Variants in RPTOR observed in about 807,000 individuals in gnomAD.
The protein encoded by RPTOR is regulatory-associated protein of mTOR.
A neutral mutation model predicts 169.9 loss-of-function variants in RPTOR; 21 were observed. The ratio of observed to expected loss-of-function variants is 0.12; its 90% CI spans 0.09 to 0.18. The LOEUF (loss-of-function observed/expected upper bound fraction) is 0.18. Among genes scored for constraint, RPTOR ranks in the 10% least tolerant of loss-of-function variants. The probability of loss-of-function intolerance (pLI) is 1.00; values close to 1 mark genes in which losing one functional copy is unlikely to be tolerated. For missense variants in RPTOR, 1,133 were observed against 1,855.9 expected (o/e 0.61, Z 7.16); for synonymous variants, 732 against 753.2 (o/e 0.97, Z 0.46).
intron 9 of RPTOR, among the ~76,000 whole-genome samples, chr17:80,829,675 G>A (rs575550967): frequency 2.8e-4 from 43 of 152,284 alleles, no homozygotes; most frequent in Admixed American, 1.2e-3. Context: ...TGGAGAGGGC[G>A]GCGTCCACGG....
chr17:80,596,335 C>A (rs1252065108), intron 1 of RPTOR, among the ~76,000 whole-genome samples: 2 of 152,102 alleles, frequency 1.3e-5, no homozygotes, highest in Non-Finnish European at 2.9e-5. Context: ...TTTGGTTAAA[C>A]CTGTTGTAAC....
intron 13 of RPTOR, among the ~76,000 whole-genome samples, chr17:80,868,062 A>G (rs528257034): frequency 2.0e-5 from 3 of 152,352 alleles, no homozygotes; most frequent in Admixed American, 2.0e-4. Context: ...ATGGACAAAC[A>G]GATAATGGAA....
chr17:80,591,330 CCTT>C lies in RPTOR; in HGVS notation c.163-34357_163-34355del, dbSNP rs202079390. Among the ~76,000 whole-genome samples, 1,273 of 143,138 alleles carry C rather than the reference CCTT, an allele frequency of 8.9e-3. 31 individuals carry two copies. Among genetic ancestry groups the C allele is most frequent in the African/African-American group, 0.03 (1,146 of 38,148 alleles). The allele number at this position is 143,138 out of a possible 152,430, so 93.9% of individuals were successfully genotyped here. ...CTCTCCTTCTTTCTTTTCTTTCTCT[CCTT>C]CTTTTTTTTGGAGACAGAGTTTTGT... On this transcript the variant is annotated intron_variant, in intron 1 of 33. Transcript: ENST00000306801.
intron 28 of RPTOR, among the ~76,000 whole-genome samples, chr17:80,950,454 G>A (rs559160860): frequency 2.7e-4 from 41 of 152,196 alleles, no homozygotes; most frequent in Admixed American, 7.2e-4. Flanking sequence ...CACGTGCCTC[G>A]GGACGTCATG....
chr17:80,800,979 C>G (rs1311066470), intron 7 of RPTOR, among the ~76,000 whole-genome samples: 1 of 152,218 alleles, frequency 6.6e-6, no homozygotes, highest in African/African-American at 2.4e-5. Flanking sequence ...AGCACGGCTG[C>G]CCCGTGTGGC....
rs118138773 is a variant in RPTOR, at chr17:80,844,863, C to T, written c.1213-1610C>T. 0.017 allele frequency among the ~76,000 whole-genome samples: 2,520 copies of T among 152,268 alleles called. 23 individuals carry two copies. Among genetic ancestry groups the T allele is most frequent in the Non-Finnish European group, 0.027 (1,808 of 67,998 alleles). ...AGATGAGCGGAGGGAGGGTTCCTCC[C>T]GACCTCCTCTCAGAGACACGCACCT... is the stretch of plus-strand genomic sequence containing the variant. On this transcript the variant is annotated intron_variant, in intron 10 of 33. Coordinates refer to ENST00000306801, the MANE Select transcript of RPTOR (RefSeq NM_020761.3). The surrounding 1 kb of genome is among the most constrained non-coding windows in gnomAD (Gnocchi z 4.7).
intron 1 of RPTOR, among the ~76,000 whole-genome samples, chr17:80,567,356 C>A (rs1169969984): frequency 6.6e-6 from 1 of 151,690 alleles, no homozygotes; most frequent in African/African-American, 2.4e-5. Flanking sequence ...CACAGTGTAC[C>A]TTCAAATGAT....
Position 80,901,498 on chromosome 17 carries a change from G to A in RPTOR, c.2402-7313G>A, listed in dbSNP as rs115668325. 4.7e-3 allele frequency among the ~76,000 whole-genome samples: 708 copies of A among 152,036 alleles called. 5 individuals carry two copies. The highest frequency in any genetic ancestry group is 0.016 in the African/African-American group (649 of 41,438). The stretch of plus-strand genomic sequence containing the variant: ...TTTAGGAAGGAAAGAAAACAAAGTC[G>A]CCCCTGCAAAGCCAGCCTCATTCAT... On this transcript the variant is annotated intron_variant, in intron 20 of 33. Coordinates refer to ENST00000306801, the MANE Select transcript of RPTOR (RefSeq NM_020761.3).
At chr17:80,774,025 A>C (rs1012464612) in intron 6 of RPTOR, 11 of 985,284 alleles carry the variant, frequency 1.1e-5, no homozygotes, top group Non-Finnish European at 3.6e-6. Flanking sequence ...GCTTTAATGT[A>C]AACCATCACT....
At chr17:80,816,027 C>T (rs917357220) in intron 7 of RPTOR, among the ~76,000 whole-genome samples, 1 of 152,276 alleles carries the variant, frequency 6.6e-6, no homozygotes, top group African/African-American at 2.4e-5. Context: ...TCTACGCAGG[C>T]AGTCGGAGAG....
In RPTOR at chr17:80,940,699, C is replaced by A. The variant is rs537534394; in HGVS notation, c.3025+98C>A. The A allele has an allele frequency of 9.5e-6, 9 of 945,884 alleles. No individual in the cohort carries two copies. In the South Asian group the frequency reaches 1.4e-4, roughly 14 times the overall value. 58.6% of individuals were successfully genotyped at this position (945,884 alleles called of 1,614,324 possible). On this transcript the variant is annotated intron_variant, in intron 25 of 33. Transcript: ENST00000306801. ...AGGCCCCCCGCGGCCCACGCACAAC[C>A]TTCTCCAGCCATCCACTGTCCCACG...
chr17:80,634,864 GTGTGCATAC>G lies in RPTOR; in HGVS notation c.266-8859_266-8851del, dbSNP rs1356328016. On this transcript the variant is annotated intron_variant, in intron 2 of 33. Transcript: ENST00000306801. ...TACCGTGTGTGTGCATACCGTGTGT[GTGTGCATAC>G]TGTGTGCATACTTTGTGTGTGCATA... Among the ~76,000 whole-genome samples the G allele has an allele frequency of 2.7e-3, 204 of 75,900 alleles. 2 individuals carry two copies. The highest frequency in any genetic ancestry group is 9.2e-3 in the African/African-American group (194 of 21,148). 49.8% of individuals were successfully genotyped at this position (75,900 alleles called of 152,430 possible). A position where few individuals can be genotyped will look rare whatever the true frequency, so the allele number is the denominator to read the frequency against.
intron 6 of RPTOR, among the ~76,000 whole-genome samples, chr17:80,769,486 C>T (rs1253949324): frequency 6.6e-6 from 1 of 152,152 alleles, no homozygotes; most frequent in Non-Finnish European, 1.5e-5. Context: ...GAGTTCCCAT[C>T]CTGTCCCAGG....
chr17:80,556,346 T>C (rs1285718302), intron 1 of RPTOR, among the ~76,000 whole-genome samples: 2 of 152,168 alleles, frequency 1.3e-5, no homozygotes, highest in Admixed American at 6.5e-5. Context: ...GCCCTGTCTC[T>C]ACAAAAAGTA....
At chr17:80,784,240 C>CAAAAA (rs11356208) in intron 6 of RPTOR, among the ~76,000 whole-genome samples, 1 of 148,666 alleles carries the variant, frequency 6.7e-6, no homozygotes, top group Non-Finnish European at 1.5e-5. Context: ...AGGCATGAGC[C>CAAAAA]AAAAAAAAAA....
chr17:80,626,743 T>G (rs553236063), intron 2 of RPTOR, among the ~76,000 whole-genome samples: 1 of 149,040 alleles, frequency 6.7e-6, no homozygotes, highest in African/African-American at 2.5e-5. Flanking sequence ...TTAATTGTGG[T>G]AAAACATAGA....
At chr17:80,830,698 C>T (rs578053291) in intron 9 of RPTOR, among the ~76,000 whole-genome samples, 2 of 151,968 alleles carry the variant, frequency 1.3e-5, no homozygotes, top group African/African-American at 4.8e-5. Flanking sequence ...ATCGCAGGTG[C>T]ACTGCTCCTC....
chr17:80,652,464 A>T (rs2065648577), intron 3 of RPTOR, among the ~76,000 whole-genome samples: 1 of 152,262 alleles, frequency 6.6e-6, no homozygotes, highest in East Asian at 1.9e-4. Context: ...AGATTCCTCC[A>T]TGCTATTGCA....
intron 20 of RPTOR, among the ~76,000 whole-genome samples, chr17:80,902,484 C>T (rs1254127415): frequency 6.6e-6 from 1 of 152,250 alleles, no homozygotes; most frequent in African/African-American, 2.4e-5. Flanking sequence ...CCCAGTACAT[C>T]AAAGCATGAT....
Sources: gnomAD v4.1 joint callset for allele counts (sites outside exome capture counted in the v4.1 genomes callset) on GRCh38, gnomAD v4.1.1 for gene constraint, Gnocchi (gnomAD v3.1) non-coding constraint, MANE v1.5 for transcripts, NCBI Gene and HGNC (gene_info 2026-07-23, HGNC 2026-07-21) for gene names.